WWOX: variants seen among roughly 807,000 people sequenced by gnomAD.
WWOX encodes the protein WW domain-containing oxidoreductase.
Under a neutral mutation model 46.2 loss-of-function variants are expected in WWOX, and 69 were observed. The ratio of observed to expected loss-of-function variants is 1.49; its 90% confidence interval spans 1.23 to 1.82. The LOEUF (loss-of-function observed/expected upper bound fraction) is 1.82, where lower values mean the gene tolerates loss of function less well. Ranked by LOEUF, WWOX falls within the 40% of genes most tolerant of loss-of-function variation. The probability of loss-of-function intolerance (pLI) is 0.00; values close to 1 mark genes in which losing one functional copy is unlikely to be tolerated. For synonymous variants in WWOX, 359 were observed against 202.6 expected (o/e 1.77, Z -6.56); for missense variants, 919 against 542.6 (o/e 1.69, Z -6.89).
intron 8 of WWOX, among the ~76,000 whole-genome samples, chr16:78,606,179 A>G (rs1194005353): frequency 6.6e-6 from 1 of 152,240 alleles, no homozygotes; most frequent in East Asian, 1.9e-4. Context: ...CTGGGCTATT[A>G]TTAAAACTTA....
intron 6 of WWOX, among the ~76,000 whole-genome samples, chr16:78,410,805 C>CAAA (rs61207788): frequency 2.7e-4 from 20 of 74,944 alleles, no homozygotes; most frequent in Admixed American, 4.5e-4. Flanking sequence ...GGCCCCACCT[C>CAAA]AAAAAAAAAA....
chr16:78,401,413 G>A (rs2082410227), intron 6 of WWOX, among the ~76,000 whole-genome samples: 1 of 152,140 alleles, frequency 6.6e-6, no homozygotes, highest in African/African-American at 2.4e-5. Context: ...CTGAAATAAT[G>A]TTTTGGTCTA....
chr16:78,859,000 T>TAAAAAA (rs2052638771), intron 8 of WWOX, among the ~76,000 whole-genome samples: 1 of 79,872 alleles, frequency 1.3e-5, no homozygotes. Flanking sequence ...GTTTTGAAAT[T>TAAAAAA]TAAAAAAAAA....
At chr16:78,370,976 A>ATGTCTTTTTTTTTTTTTT (rs776317489) in intron 5 of WWOX, among the ~76,000 whole-genome samples, 2 of 128,604 alleles carry the variant, frequency 1.6e-5, no homozygotes, top group Non-Finnish European at 1.7e-5. Context: ...CTGTGTTGTG[A>ATGTCTTTTTTTTTTTTTT]TTTCTTTTTT....
chr16:78,379,365 G>C (rs2081902105), intron 5 of WWOX, among the ~76,000 whole-genome samples: 1 of 152,070 alleles, frequency 6.6e-6, no homozygotes, highest in African/African-American at 2.4e-5. Context: ...TTGCACATGA[G>C]TAGTCCCCCA....
intron 8 of WWOX, among the ~76,000 whole-genome samples, chr16:78,711,076 G>A (rs1484801723): frequency 1.3e-5 from 2 of 152,196 alleles, no homozygotes; most frequent in East Asian, 3.9e-4. Context: ...GAGGGTGTAA[G>A]TTATAAAGAG....
chr16:78,418,329 A>C (rs1015836243), intron 6 of WWOX, among the ~76,000 whole-genome samples: 2 of 151,470 alleles, frequency 1.3e-5, no homozygotes, highest in Non-Finnish European at 2.9e-5. Context: ...GCACCACTGC[A>C]CTCCAGCCTG....
At chr16:78,543,582 G>C (rs1328618429) in intron 8 of WWOX, among the ~76,000 whole-genome samples, 1 of 152,150 alleles carries the variant, frequency 6.6e-6, no homozygotes, top group Non-Finnish European at 1.5e-5. Flanking sequence ...GCACTGTATT[G>C]AGCATACCAT....
intron 5 of WWOX, among the ~76,000 whole-genome samples, chr16:78,259,369 C>T (rs1462938564): frequency 2.0e-5 from 3 of 152,122 alleles, no homozygotes; most frequent in Non-Finnish European, 4.4e-5. Context: ...CTCTGTCACC[C>T]AGGTTGGAGT....
At chr16:78,750,719 C>T (rs372215249) in intron 8 of WWOX, among the ~76,000 whole-genome samples, 4 of 152,086 alleles carry the variant, frequency 2.6e-5, no homozygotes, top group East Asian at 3.9e-4. Flanking sequence ...TGTTGAGCTT[C>T]GACTTGTAAG....
chr16:78,581,453 C>T (rs542960748), intron 8 of WWOX, among the ~76,000 whole-genome samples: 18 of 152,264 alleles, frequency 1.2e-4, no homozygotes, highest in Admixed American at 9.2e-4. Context: ...AGTTTTAAAG[C>T]ACTTCTAGGC....
At chr16:78,186,811 C>G (rs2151759255) in intron 5 of WWOX, among the ~76,000 whole-genome samples, 1 of 152,280 alleles carries the variant, frequency 6.6e-6, no homozygotes, top group Non-Finnish European at 1.5e-5. Flanking sequence ...AGTTTAGATT[C>G]TCATAGAAGT....
intron 8 of WWOX, 126 bp from the exon 9 acceptor site, chr16:79,211,477 TTGCTA>T: frequency 1.7e-6 from 2 of 1,178,602 alleles, no homozygotes; most frequent in Admixed American, 3.9e-5. Flanking sequence ...CCAGTACCCT[TTGCTA>T]TGCCAAGATC....
At chr16:78,963,762 T>C (rs769790899) in intron 8 of WWOX, among the ~76,000 whole-genome samples, 21 of 152,200 alleles carry the variant, frequency 1.4e-4, no homozygotes, top group Non-Finnish European at 2.9e-4. Context: ...AAGTGGGCCT[T>C]AAAGGTGCTA....
chr16:78,494,614 C>A (rs1032331155), intron 8 of WWOX, among the ~76,000 whole-genome samples: 1 of 152,164 alleles, frequency 6.6e-6, no homozygotes, highest in Non-Finnish European at 1.5e-5. Context: ...TCTGTGTGAA[C>A]CCCACACAGG....
intron 5 of WWOX, among the ~76,000 whole-genome samples, chr16:78,181,783 CCT>C (rs1333895837): frequency 6.6e-6 from 1 of 151,808 alleles, no homozygotes; most frequent in African/African-American, 2.4e-5. Flanking sequence ...ATTATTGTTC[CCT>C]GAGTGAAATT....
intron 8 of WWOX, among the ~76,000 whole-genome samples, chr16:78,877,874 C>T (rs1027292567): frequency 2.0e-5 from 3 of 152,188 alleles, no homozygotes; most frequent in Admixed American, 6.5e-5. Flanking sequence ...CTAAGCCCAG[C>T]AGCCCAAAAA....
intron 5 of WWOX, among the ~76,000 whole-genome samples, chr16:78,221,469 A>G (rs1396243228): frequency 6.6e-6 from 1 of 152,146 alleles, no homozygotes; most frequent in Non-Finnish European, 1.5e-5. Context: ...TATTTCCATT[A>G]ATGGTGGACT....
intron 8 of WWOX, among the ~76,000 whole-genome samples, chr16:78,717,905 A>T (rs1213381341): frequency 6.6e-6 from 1 of 152,170 alleles, no homozygotes; most frequent in East Asian, 1.9e-4. Context: ...CCTATTCACG[A>T]CATAGTGGAC....
Sources: allele counts gnomAD v4.1 joint callset (sites outside exome capture counted in the v4.1 genomes callset), GRCh38; gene constraint gnomAD v4.1.1; transcripts MANE v1.5; gene names NCBI Gene and HGNC (gene_info 2026-07-23, HGNC 2026-07-21).